NPEPPS: variants seen among roughly 807,000 people sequenced by gnomAD.
The protein encoded by NPEPPS is aminopeptidase puromycin sensitive.
Under a neutral mutation model 115.5 loss-of-function variants are expected in NPEPPS, and 14 were observed. The ratio of observed to expected loss-of-function variants is 0.12; its 90% CI spans 0.08 to 0.19. NPEPPS has a LOEUF of 0.19. NPEPPS is among the 10% of genes least tolerant of loss of function. The probability of loss-of-function intolerance (pLI) is 1.00; values close to 1 mark genes in which losing one functional copy is unlikely to be tolerated. For missense variants in NPEPPS, 523 were observed against 1,110.8 expected (o/e 0.47, Z 7.52); for synonymous variants, 285 against 390.6 (o/e 0.73, Z 3.19).
rs61569624 is a variant in NPEPPS, at chr17:47,565,833, A to AG, written c.341-3583dup. 2.0e-5 allele frequency among the ~76,000 whole-genome samples: 3 copies of AG among 152,110 alleles called. No homozygotes were observed. In the East Asian group the frequency reaches 5.8e-4, roughly 29 times the overall value. On this transcript the variant is annotated intron_variant, in intron 2 of 22. Transcript: ENST00000322157. ...AGACCCTGTCTCAAAAAAAAAAAAA[A>AG]GTGATTTGAGCAGAGGCCTGAATGA...
chr17:47,589,946 T>A (rs1385319337), intron 9 of NPEPPS, among the ~76,000 whole-genome samples: 1 of 152,214 alleles, frequency 6.6e-6, no homozygotes, highest in Non-Finnish European at 1.5e-5. Flanking sequence ...ATTTTCCACC[T>A]CTATTTGCCT....
At chr17:47,599,464 T>A (rs1913058436) in intron 13 of NPEPPS, among the ~76,000 whole-genome samples, 1 of 152,224 alleles carries the variant, frequency 6.6e-6, no homozygotes, top group Non-Finnish European at 1.5e-5. Flanking sequence ...ACACATGTAC[T>A]TACCATTGTT....
At chr17:47,601,270 T>G (rs916716035) in intron 14 of NPEPPS, among the ~76,000 whole-genome samples, 19 of 152,026 alleles carry the variant, frequency 1.2e-4, no homozygotes, top group African/African-American at 3.1e-4. Context: ...ATATATATTT[T>G]TTGTTGTTGT....
chr17:47,554,288 C>T (rs562948150), intron 2 of NPEPPS, among the ~76,000 whole-genome samples: 1 of 152,158 alleles, frequency 6.6e-6, no homozygotes, highest in Non-Finnish European at 1.5e-5. Context: ...GATCTTCCCC[C>T]CTCAGCCTCG....
intron 18 of NPEPPS, 31 bp from the exon 19 acceptor site, chr17:47,613,638 A>C: frequency 6.5e-7 from 1 of 1,547,472 alleles, no homozygotes; most frequent in Non-Finnish European, 8.9e-7. Flanking sequence ...AGGTACATTT[A>C]ATCAAATGAC....
intron 19 of NPEPPS, among the ~76,000 whole-genome samples, chr17:47,617,221 T>C (rs2143979968): frequency 1.3e-5 from 2 of 152,334 alleles, no homozygotes; most frequent in East Asian, 3.9e-4. Context: ...TTTTTCTTTA[T>C]GCTTCTCTGT....
At chr17:47,617,049 A>G (rs1914252834) in intron 19 of NPEPPS, among the ~76,000 whole-genome samples, 1 of 152,122 alleles carries the variant, frequency 6.6e-6, no homozygotes, top group African/African-American at 2.4e-5. Flanking sequence ...GTTTCTATGA[A>G]AAGATTTTAT....
upstream of NPEPPS, among the ~76,000 whole-genome samples, chr17:47,527,768 C>G (rs1268541232): frequency 6.6e-6 from 1 of 151,018 alleles, no homozygotes; most frequent in African/African-American, 2.4e-5. Context: ...AAAAACAAAA[C>G]AAACAAACAA....
At chr17:47,523,603 A>T (rs994444802) in intron 1 of NPEPPS, among the ~76,000 whole-genome samples, 1 of 151,992 alleles carries the variant, frequency 6.6e-6, no homozygotes, top group Non-Finnish European at 1.5e-5. Context: ...TTGCATTTCT[A>T]GTAGAAATGG....
At chr17:47,619,420 G>T in intron 21 of NPEPPS, 1 of 517,012 alleles carries the variant, frequency 1.9e-6, no homozygotes, top group Non-Finnish European at 3.5e-6. Flanking sequence ...TGAGCGTGGT[G>T]GTGTGTGCCT....
At chr17:47,590,586 T>G in intron 9 of NPEPPS, 131 bp from the exon 10 acceptor site, 1 of 1,207,612 alleles carries the variant, frequency 8.3e-7, no homozygotes. Flanking sequence ...CTTTGCCAAA[T>G]GTTTTGAACT....
At chr17:47,543,102 A>G (rs559119272) in intron 1 of NPEPPS, among the ~76,000 whole-genome samples, 1 of 150,928 alleles carries the variant, frequency 6.6e-6, no homozygotes, top group East Asian at 2.0e-4. Flanking sequence ...GCAAGATCGC[A>G]TCATTGGCAC....
chr17:47,550,375 TGGA>T (rs1441568616), intron 2 of NPEPPS, among the ~76,000 whole-genome samples: 3 of 148,836 alleles, frequency 2.0e-5, no homozygotes, highest in Admixed American at 6.7e-5. Context: ...TCGCCCAGGC[TGGA>T]GTACAGTGGC....
intron 12 of NPEPPS, chr17:47,595,974 T>TC (rs1281134381): frequency 9.5e-6 from 1 of 104,776 alleles, no homozygotes; most frequent in African/African-American, 4.0e-5. Context: ...AGAGCAAGAC[T>TC]CCATCTCAAA....
chr17:47,523,894 T>C (rs547732801), intron 1 of NPEPPS, among the ~76,000 whole-genome samples: 1 of 152,310 alleles, frequency 6.6e-6, no homozygotes, highest in African/African-American at 2.4e-5. Flanking sequence ...CTATTTCTTT[T>C]TGTGTCCTCA....
intron 20 of NPEPPS, among the ~76,000 whole-genome samples, 200 bp from the exon 21 acceptor site, chr17:47,618,809 G>A (rs1169341774): frequency 6.6e-6 from 1 of 152,192 alleles, no homozygotes; most frequent in East Asian, 1.9e-4. Context: ...GTCTGAACCT[G>A]TCTCAGTACC....
intron 19 of NPEPPS, among the ~76,000 whole-genome samples, chr17:47,615,390 A>G (rs1320196751): frequency 6.6e-6 from 1 of 152,114 alleles, no homozygotes; most frequent in Admixed American, 6.6e-5. Flanking sequence ...TTCTAAGAAT[A>G]TAAAAGTTAT....
intron 2 of NPEPPS, among the ~76,000 whole-genome samples, chr17:47,559,027 G>T (rs1217166437): frequency 1.3e-5 from 2 of 149,646 alleles, no homozygotes; most frequent in African/African-American, 2.5e-5. Context: ...AACAGAGCGA[G>T]ACTCCATCTC....
Position 47,621,810 on chromosome 17 carries a change from A to G in NPEPPS, c.2650A>G (p.Ile884Val). 2 of 1,613,902 alleles carry G rather than the reference A, an allele frequency of 1.2e-6. No individual in the cohort carries two copies. Among genetic ancestry groups the G allele is most frequent in the Non-Finnish European group, 1.7e-6 (2 of 1,179,760 alleles). The stretch of plus-strand genomic sequence containing the variant: ...CCCAGCTCCTTCAGCTGAGCGTACC[A>G]TCCAGCAGTGTTGTGAAAATATTCT... Reference protein sequence around the residue: ...SHPAPSAERTIQQCCENILLN... With the variant: ...SHPAPSAERTVQQCCENILLN... The change falls in exon 23 of 23, where the codon ATC becomes GTC. Residue 884 changes from isoleucine (I) to valine (V), a missense_variant. Ile to Val is a conservative substitution (Grantham distance 29). Around this residue, in one of 4 missense-constraint regions of NPEPPS, gnomAD observed 372 missense variants for 542.6 expected, o/e 0.69. Coordinates refer to ENST00000322157, the MANE Select transcript of NPEPPS (RefSeq NM_006310.4).
Sources: gnomAD v4.1 joint callset for allele counts (sites outside exome capture counted in the v4.1 genomes callset) on GRCh38, gnomAD v4.1.1 for gene constraint, gnomAD v4.1.1 regional missense constraint, MANE v1.5 for transcripts, NCBI Gene and HGNC (gene_info 2026-07-23, HGNC 2026-07-21) for gene names.